CCDC178: variants seen among roughly 807,000 people sequenced by gnomAD.
CCDC178 encodes coiled-coil domain-containing protein 178.
Under a neutral mutation model 117.4 loss-of-function variants are expected in CCDC178, and 126 were observed. The ratio of observed to expected loss-of-function variants is 1.07; its 90% CI spans 0.93 to 1.24. CCDC178 has a LOEUF of 1.24. CCDC178 is among the 50% of genes most tolerant of loss of function. CCDC178 has a pLI of 0.00. For missense variants in CCDC178, 1,030 were observed against 986.9 expected (o/e 1.04, Z -0.59); for synonymous variants, 283 against 313.4 (o/e 0.90, Z 1.02).
At chr18:33,191,455 T>C (rs2058856925) in intron 20 of CCDC178, among the ~76,000 whole-genome samples, 1 of 152,170 alleles carries the variant, frequency 6.6e-6, no homozygotes, top group African/African-American at 2.4e-5. Context: ...ATTATAAGAA[T>C]AATTTGCTGC....
intron 22 of CCDC178, among the ~76,000 whole-genome samples, chr18:32,950,316 C>A (rs952020340): frequency 3.3e-5 from 5 of 152,104 alleles, no homozygotes; most frequent in Admixed American, 6.5e-5. Context: ...TTCCCACCTG[C>A]ACCATGATTT....
At chr18:33,307,825 C>T (rs2062278302) in intron 11 of CCDC178, among the ~76,000 whole-genome samples, 1 of 152,208 alleles carries the variant, frequency 6.6e-6, no homozygotes, top group Non-Finnish European at 1.5e-5. Flanking sequence ...GGTGCAAGCC[C>T]CAAGCCTGGG....
At chr18:33,106,234 C>A (rs997947213) in intron 20 of CCDC178, among the ~76,000 whole-genome samples, 3 of 151,592 alleles carry the variant, frequency 2.0e-5, no homozygotes, top group Non-Finnish European at 1.5e-5. Flanking sequence ...ACACTTATAA[C>A]CCTGCCGATG....
At chr18:32,947,438 C>T (rs1399731674) in intron 22 of CCDC178, among the ~76,000 whole-genome samples, 2 of 152,094 alleles carry the variant, frequency 1.3e-5, no homozygotes, top group Non-Finnish European at 2.9e-5. Flanking sequence ...TTTAATTTGC[C>T]TTTCATAAAT....
At chr18:33,258,876 T>C (rs1018346582) in intron 14 of CCDC178, among the ~76,000 whole-genome samples, 27 of 152,248 alleles carry the variant, frequency 1.8e-4, no homozygotes, top group African/African-American at 6.3e-4. Flanking sequence ...AGATAAAAAT[T>C]ATTAATCTCT....
intron 21 of CCDC178, among the ~76,000 whole-genome samples, chr18:33,056,173 T>G (rs1020342289): frequency 1.1e-4 from 17 of 152,210 alleles, no homozygotes; most frequent in African/African-American, 4.1e-4. Flanking sequence ...TGCTACTTAC[T>G]ACATGTGATT....
At chr18:33,234,802 G>A (rs946668475) in intron 15 of CCDC178, among the ~76,000 whole-genome samples, 7 of 151,990 alleles carry the variant, frequency 4.6e-5, no homozygotes, top group African/African-American at 1.4e-4. Flanking sequence ...TATTACATGT[G>A]GGACAAGAGT....
intron 20 of CCDC178, among the ~76,000 whole-genome samples, chr18:33,184,784 A>G (rs1193093902): frequency 6.6e-6 from 1 of 152,074 alleles, no homozygotes; most frequent in African/African-American, 2.4e-5. Context: ...CTAAAAAATG[A>G]TGGGAAAATG....
chr18:33,414,019 T>A (rs1036507942), intron 2 of CCDC178, among the ~76,000 whole-genome samples: 1 of 152,176 alleles, frequency 6.6e-6, no homozygotes, highest in South Asian at 2.1e-4. Context: ...AAAATGACTA[T>A]GTAACCAAAA....
intron 20 of CCDC178, among the ~76,000 whole-genome samples, chr18:33,189,048 C>T (rs1323099462): frequency 6.6e-6 from 1 of 152,116 alleles, no homozygotes; most frequent in Admixed American, 6.6e-5. Context: ...TTGATTATGA[C>T]TTTCAAAGAG....
At chr18:33,075,454 G>T (rs2057187768) in intron 21 of CCDC178, among the ~76,000 whole-genome samples, 1 of 151,930 alleles carries the variant, frequency 6.6e-6, no homozygotes, top group African/African-American at 2.4e-5. Flanking sequence ...ATGCTTGAGG[G>T]TATGAAAACT....
intron 3 of CCDC178, among the ~76,000 whole-genome samples, chr18:33,405,471 A>C (rs2063768707): frequency 6.6e-6 from 1 of 151,882 alleles, no homozygotes; most frequent in Non-Finnish European, 1.5e-5. Flanking sequence ...TAAGAATACT[A>C]AGTTGATTAT....
At chr18:33,324,770 T>C (rs1313151517) in intron 10 of CCDC178, among the ~76,000 whole-genome samples, 1 of 151,912 alleles carries the variant, frequency 6.6e-6, no homozygotes, top group Non-Finnish European at 1.5e-5. Flanking sequence ...TTTTCTTTAA[T>C]AAGATTTCAT....
chr18:33,056,090 C>A (rs2056825959), intron 21 of CCDC178, among the ~76,000 whole-genome samples: 2 of 152,168 alleles, frequency 1.3e-5, no homozygotes, highest in South Asian at 4.1e-4. Context: ...GTGTGAGCCA[C>A]TGCACCTGGC....
chr18:33,384,236 G>C (rs2063469963), intron 5 of CCDC178, among the ~76,000 whole-genome samples: 2 of 152,174 alleles, frequency 1.3e-5, no homozygotes, highest in Non-Finnish European at 1.5e-5. Flanking sequence ...ATCTATGACT[G>C]ATTAGAGTAC....
At chr18:33,313,279 C>T (rs2062367542) in intron 11 of CCDC178, among the ~76,000 whole-genome samples, 1 of 152,086 alleles carries the variant, frequency 6.6e-6, no homozygotes, top group Non-Finnish European at 1.5e-5. Context: ...GTAAGAAAAC[C>T]AGCCCAGGTG....
intron 20 of CCDC178, among the ~76,000 whole-genome samples, chr18:33,162,171 G>A (rs557251902): frequency 3.2e-4 from 48 of 152,214 alleles, no homozygotes; most frequent in African/African-American, 1.1e-3. Flanking sequence ...ATCACACACC[G>A]GGGCCTATTG....
At chr18:33,160,608 A>G (rs555362732) in intron 20 of CCDC178, among the ~76,000 whole-genome samples, 4 of 152,238 alleles carry the variant, frequency 2.6e-5, no homozygotes, top group Admixed American at 6.5e-5. Context: ...CCATCAAGAA[A>G]GCAGGGTGCT....
At chr18:33,048,026 G>C (rs1466570425) in intron 21 of CCDC178, among the ~76,000 whole-genome samples, 1 of 152,152 alleles carries the variant, frequency 6.6e-6, no homozygotes, top group African/African-American at 2.4e-5. Flanking sequence ...ATGTGATCTA[G>C]TTTAAAGATG....
Sources: gnomAD v4.1 joint callset for allele counts (sites outside exome capture counted in the v4.1 genomes callset) on GRCh38, gnomAD v4.1.1 for gene constraint, MANE v1.5 for transcripts, NCBI Gene and HGNC (gene_info 2026-07-23, HGNC 2026-07-21) for gene names.